Variants in WDR53 observed in about 807,000 individuals in gnomAD.
WDR53 encodes WD repeat-containing protein 53.
In WDR53, 19 loss-of-function variants were observed where a neutral mutation model predicts 21.3. The observed-to-expected ratio is 0.89, with a 90% confidence interval of 0.62 to 1.31. The LOEUF (loss-of-function observed/expected upper bound fraction) is 1.31. Ranked by LOEUF, WDR53 falls within the 50% of genes most tolerant of loss-of-function variation. WDR53 has a pLI of 0.00. For missense variants in WDR53, 374 were observed against 423.2 expected (o/e 0.88, Z 1.02); for synonymous variants, 157 against 163.4 (o/e 0.96, Z 0.30).
intron 1 of WDR53, among the ~76,000 whole-genome samples, chr3:196,567,993 G>A (rs1020801656): frequency 2.6e-5 from 4 of 152,082 alleles, no homozygotes; most frequent in Admixed American, 6.6e-5. Context: ...CCCCTTCCAA[G>A]AATCCATCTA....
intron 3 of WDR53, among the ~76,000 whole-genome samples, chr3:196,559,876 CTTTA>C (rs1049997752): frequency 3.4e-5 from 5 of 148,114 alleles, no homozygotes; most frequent in South Asian, 2.1e-4. Context: ...ATTTCAGTTT[CTTTA>C]TTTATTAAAA....
At chr3:196,562,989 T>C (rs1010852556) in intron 2 of WDR53, among the ~76,000 whole-genome samples, 2 of 152,180 alleles carry the variant, frequency 1.3e-5, no homozygotes, top group African/African-American at 4.8e-5. Flanking sequence ...TGCACCACCA[T>C]GCCTGGCTAA....
chr3:196,563,611 G>A (rs369606670), intron 2 of WDR53, among the ~76,000 whole-genome samples: 3 of 147,860 alleles, frequency 2.0e-5, no homozygotes, highest in African/African-American at 7.6e-5. Flanking sequence ...TTGCTCTGTC[G>A]CCCAGGTTGG....
At chr3:196,565,964 T>C (rs1038225979) in intron 2 of WDR53, among the ~76,000 whole-genome samples, 4 of 152,206 alleles carry the variant, frequency 2.6e-5, no homozygotes, top group African/African-American at 7.2e-5. Flanking sequence ...TCCTATGGAG[T>C]TGCCTAAAGC....
rs937229896 is a variant in WDR53, at chr3:196,555,705, G to A, written c.481-898C>T. On this transcript the variant is annotated intron_variant, in intron 3 of 3. Transcript: ENST00000332629. Reference sequence around the variant, plus strand: ...TGAATTATAACTCACAATTTTAACAGACACTGGAAGAAGCATGAGCTTGTT... The same window carrying A: ...TGAATTATAACTCACAATTTTAACAAACACTGGAAGAAGCATGAGCTTGTT... Among the ~76,000 whole-genome samples, 13 of 152,280 alleles carry A rather than the reference G, an allele frequency of 8.5e-5. No homozygotes were observed. In the East Asian group the frequency reaches 2.5e-3, roughly 29 times the overall value.
chr3:196,564,180 C>T (rs1050533831), intron 2 of WDR53, among the ~76,000 whole-genome samples: 1 of 152,034 alleles, frequency 6.6e-6, no homozygotes, highest in Admixed American at 6.6e-5. Flanking sequence ...ACTGAAACAG[C>T]AGCAGGTAAA....
intron 2 of WDR53, among the ~76,000 whole-genome samples, chr3:196,563,839 T>C (rs947211741): frequency 2.0e-5 from 3 of 152,200 alleles, no homozygotes; most frequent in Non-Finnish European, 2.9e-5. Flanking sequence ...CCCAAAGTGC[T>C]GGGATTATAG....
At chr3:196,555,757 T>C (rs1223968329) in intron 3 of WDR53, among the ~76,000 whole-genome samples, 1 of 152,206 alleles carries the variant, frequency 6.6e-6, no homozygotes, top group East Asian at 1.9e-4. Flanking sequence ...TAGATCTGAA[T>C]TGGCAAGATT....
chr3:196,560,971 C>G, intron 3 of WDR53, 25 bp downstream of exon 3: 2 of 1,581,780 alleles, frequency 1.3e-6, no homozygotes, highest in Non-Finnish European at 1.7e-6. Flanking sequence ...AGAAATTCCC[C>G]AAGTACTCTG....
intron 3 of WDR53, among the ~76,000 whole-genome samples, chr3:196,556,876 T>G (rs978204698): frequency 6.6e-5 from 10 of 152,130 alleles, no homozygotes; most frequent in African/African-American, 2.4e-4. Flanking sequence ...CATCTAAATG[T>G]GTTAACAGCC....
chr3:196,554,261 CTAATA>C lies in WDR53; in HGVS notation c.1022_1026del (p.Ile341SerfsTer3). ...GATATACAACTAGTTTGATCAGCTA[CTAATA>C]TATTTTGGTGTCCCTTTATTTTTGT... On this transcript the variant is annotated frameshift_variant, in exon 4 of 4. Transcript: ENST00000332629. LOFTEE classifies it high-confidence loss of function. 1 of 1,613,862 alleles carries C rather than the reference CTAATA, an allele frequency of 6.2e-7. No homozygotes were observed. Among genetic ancestry groups the C allele is most frequent in the Non-Finnish European group, 8.5e-7 (1 of 1,179,928 alleles).
At chr3:196,562,582 C>T (rs1734989661) in intron 2 of WDR53, among the ~76,000 whole-genome samples, 1 of 152,260 alleles carries the variant, frequency 6.6e-6, no homozygotes, top group South Asian at 2.1e-4. Flanking sequence ...TTAGTAAGTC[C>T]TCCAGGTGAT....
rs1182950051 is a variant in WDR53, at chr3:196,554,389, C to T, written c.899G>A (p.Gly300Glu). The T allele has an allele frequency of 1.2e-6, 2 of 1,613,986 alleles. No individual in the cohort carries two copies. Among genetic ancestry groups the T allele is most frequent in the Non-Finnish European group, 1.7e-6 (2 of 1,180,034 alleles). Residue 300 changes from glycine (G) to glutamate (E), a missense_variant, in exon 4 of 4, where the codon GGA (glycine) becomes GAA (glutamate). Transcript: ENST00000332629. ...ATCTGTTACTGAAGCGTTAGTATTTCCACCCTGCTTGGTGCAAGTTCCTCT... is the reference window on the plus strand; with the variant it reads ...ATCTGTTACTGAAGCGTTAGTATTTTCACCCTGCTTGGTGCAAGTTCCTCT... The part of the protein sequence containing the change: ...PKRGTCTKQG[G>E]NTNASVTDEE...
chr3:196,563,427 A>G (rs952280508), intron 2 of WDR53, among the ~76,000 whole-genome samples: 1 of 152,206 alleles, frequency 6.6e-6, no homozygotes, highest in African/African-American at 2.4e-5. Context: ...TCATTTCATA[A>G]GCGAAAGGAG....
Position 196,558,986 on chromosome 3 carries a change from G to A in WDR53, c.480+2010C>T, listed in dbSNP as rs76695549. ...CAGGGCTGTTCACTAGCAAGTGCCT[G>A]CCACTAAAACGTCTTACCTGGAACT... On this transcript the variant is annotated intron_variant, in intron 3 of 3. Coordinates refer to ENST00000332629, the MANE Select transcript of WDR53 (RefSeq NM_182627.3). Among the ~76,000 whole-genome samples the A allele has an allele frequency of 4.7e-3, 716 of 152,290 alleles. 9 individuals carry two copies. The highest frequency in any genetic ancestry group is 0.017 in the African/African-American group (698 of 41,548).
chr3:196,565,664 G>A (rs751003478), intron 2 of WDR53, among the ~76,000 whole-genome samples: 30 of 152,094 alleles, frequency 2.0e-4, no homozygotes, highest in Non-Finnish European at 2.8e-4. Flanking sequence ...ATTGATCAGC[G>A]ATTCAACTAG....
chr3:196,561,049 C>G lies in WDR53; in HGVS notation c.427G>C (p.Ala143Pro). 3 of 1,614,192 alleles carry G rather than the reference C, an allele frequency of 1.9e-6. No individual in the cohort carries two copies. Among genetic ancestry groups the G allele is most frequent in the Non-Finnish European group, 2.5e-6 (3 of 1,180,038 alleles). The change falls in exon 3 of 4, where the codon GCT becomes CCT. Residue 143 changes from alanine (A) to proline (P), a missense_variant. Transcript: ENST00000332629. ...KRHSNICSSV[A>P]FRPQRPQSLV... ...CTCTGAGGCCTCTGAGGCCGAAAAG[C>G]CACTGAGGAGCAGATATTGGAATGT...
intron 3 of WDR53, among the ~76,000 whole-genome samples, chr3:196,555,184 A>G (rs73081009): frequency 0.021 from 3,249 of 152,326 alleles, 110 homozygotes; most frequent in African/African-American, 0.075. Flanking sequence ...CAAAAGGCCT[A>G]TCAACTAAAT....
At chr3:196,555,061 A>G (rs1560299580) in intron 3 of WDR53, among the ~76,000 whole-genome samples, 1 of 152,188 alleles carries the variant, frequency 6.6e-6, no homozygotes, top group African/African-American at 2.4e-5. Context: ...AAACTCCATT[A>G]AAGTGTAATT....
Sources: gnomAD v4.1 joint callset for allele counts (sites outside exome capture counted in the v4.1 genomes callset) on GRCh38, gnomAD v4.1.1 for gene constraint, MANE v1.5 for transcripts, NCBI Gene and HGNC (gene_info 2026-07-23, HGNC 2026-07-21) for gene names.